Variants in ADAR observed in about 807,000 individuals in gnomAD.
ADAR encodes adenosine deaminase RNA specific, also known as double-stranded RNA-specific adenosine deaminase.
A neutral mutation model predicts 113.2 loss-of-function variants in ADAR; 41 were observed. The ratio of observed to expected loss-of-function variants is 0.36; its 90% CI spans 0.28 to 0.47. ADAR has a LOEUF of 0.47. ADAR is among the 20% of genes least tolerant of loss of function. The pLI, the probability that ADAR is intolerant of heterozygous loss-of-function variation, is 1.00. For synonymous variants in ADAR, 605 were observed against 572.6 expected (o/e 1.06, Z -0.81); for missense variants, 1,242 against 1,540.9 (o/e 0.81, Z 3.25).
chr1:154,605,204 T>C lies in ADAR; in HGVS notation c.16-2578A>G, dbSNP rs566498524. 2.6e-5 allele frequency among the ~76,000 whole-genome samples: 4 copies of C among 152,264 alleles called. No individual in the cohort carries two copies. In the East Asian group the frequency reaches 7.7e-4, roughly 29 times the overall value. On this transcript the variant is annotated intron_variant, in intron 1 of 14. Transcript: ENST00000368474. ...CCCTCATTACCTCTTACTGGGCCATTGCAAAGGCCTATAATCTTTCTATCC... is the reference window on the plus strand; with the variant it reads ...CCCTCATTACCTCTTACTGGGCCATCGCAAAGGCCTATAATCTTTCTATCC...
chr1:154,585,169 A>C, intron 14 of ADAR, 48 bp downstream of exon 14: 1 of 1,614,132 alleles, frequency 6.2e-7, no homozygotes, highest in Non-Finnish European at 8.5e-7. Context: ...GCACCCTTGC[A>C]AGTCAGGGCA....
At chr1:154,616,308 C>T (rs765298484) in intron 1 of ADAR, among the ~76,000 whole-genome samples, 8 of 152,166 alleles carry the variant, frequency 5.3e-5, no homozygotes, top group Non-Finnish European at 8.8e-5. Flanking sequence ...CATCTTTACA[C>T]GATGGCTCCA....
At chr1:154,585,103 G>A in intron 14 of ADAR, 60 bp from the exon 15 acceptor site, 2 of 1,611,114 alleles carry the variant, frequency 1.2e-6, no homozygotes, top group Non-Finnish European at 1.7e-6. Flanking sequence ...AGCTCACAGT[G>A]GAGACACCGT....
chr1:154,594,173 C>T (rs935801071), intron 6 of ADAR, among the ~76,000 whole-genome samples: 1 of 152,174 alleles, frequency 6.6e-6, no homozygotes, highest in Non-Finnish European at 1.5e-5. Context: ...TAAGCCACTG[C>T]GCCCGGCTGA....
chr1:154,601,744 TG>T lies in ADAR; in HGVS notation c.897del (p.Lys300ArgfsTer17). The part of the protein sequence containing the change: ...DPLEFLDMAE[I>X]KEKICDYLFN... ...AAGAGATAGTCGCAGATTTTCTCCT[TG>T]ATCTCGGCCATGTCTAAAAACTCAA... is the stretch of plus-strand genomic sequence containing the variant. On this transcript the variant is annotated frameshift_variant, in exon 2 of 15. Coordinates refer to ENST00000368474, the MANE Select transcript of ADAR (RefSeq NM_001111.5). LOFTEE classifies it high-confidence loss of function. The surrounding 1 kb of genome is among the most constrained non-coding windows in gnomAD (Gnocchi z 4.7). 1 of 1,614,238 alleles carries T rather than the reference TG, an allele frequency of 6.2e-7. No individual in the cohort carries two copies. Among genetic ancestry groups the T allele is most frequent in the Non-Finnish European group, 8.5e-7 (1 of 1,180,040 alleles).
chr1:154,588,011 G>T, intron 11 of ADAR, 114 bp downstream of exon 11: 1 of 1,503,642 alleles, frequency 6.7e-7, no homozygotes, highest in Non-Finnish European at 9.1e-7. Flanking sequence ...CCTGTAAACA[G>T]CACCTCTGTG....
At position 154,584,817 on chromosome 1, in the gene ADAR, A is replaced by G. The variant is rs1181532189; in HGVS notation, c.3670T>C (p.Cys1224Arg). The change falls in exon 15 of 15, where the codon TGC (cysteine) becomes CGC (arginine). Residue 1224 changes from cysteine to arginine, a missense_variant. Physicochemically the swap from Cys to Arg is radical, Grantham distance 180. Transcript: ENST00000368474. Reference protein sequence around the residue: ...KPQEEKNFYLCPV With the variant: ...KPQEEKNFYLRPV ...GTCACTGGAGCATACTATACTGGGC[A>G]GAGATAAAAGTTCTTTTCCTCCTGG... The G allele has an allele frequency of 1.9e-6, 3 of 1,613,272 alleles. 1 individual carries two copies. Among genetic ancestry groups the G allele is most frequent in the African/African-American group, 2.7e-5 (2 of 75,038 alleles).
At chr1:154,602,714 A>G in intron 1 of ADAR, 88 bp from the exon 2 acceptor site, 1 of 1,521,426 alleles carries the variant, frequency 6.6e-7, no homozygotes, top group Non-Finnish European at 8.9e-7. Context: ...CCTGTGGAAC[A>G]GCCCTTGAAG....
At chr1:154,621,869 G>A (rs780904404) in intron 1 of ADAR, among the ~76,000 whole-genome samples, 2 of 152,148 alleles carry the variant, frequency 1.3e-5, no homozygotes, top group East Asian at 3.8e-4. Flanking sequence ...GAGTAAGAGC[G>A]GGGTTAAATA....
In ADAR at chr1:154,596,848, C is replaced by G. The variant is rs1368837393; in HGVS notation, c.2227G>C (p.Glu743Gln). Residue 743 changes from glutamate (E) to glutamine (Q), a missense_variant, in exon 6 of 15, where the codon GAA becomes CAA. Physicochemically the swap from Glu to Gln is conservative, Grantham distance 29 (BLOSUM62 2). Around this residue, in one of 2 missense-constraint regions of ADAR, gnomAD observed 780 missense variants for 1,057.9 expected, o/e 0.74. Transcript: ENST00000368474. ...CCGGACTGGTCGACCAACTTGAATT[C>G]AGCAGCAAAGCCATGGGAGCGGGCG... ...EYARSHGFAA[E>Q]FKLVDQSGPP... 6.2e-7 allele frequency: 1 copy of G among 1,613,894 alleles called. No homozygotes were observed. The highest frequency in any genetic ancestry group is 1.3e-5 in the African/African-American group (1 of 74,914).
At chr1:154,618,918 T>G (rs1034018044) in intron 1 of ADAR, among the ~76,000 whole-genome samples, 5 of 152,186 alleles carry the variant, frequency 3.3e-5, no homozygotes, top group African/African-American at 9.7e-5. Context: ...GAGACCAGCC[T>G]GGCCAACATG....
intron 1 of ADAR, among the ~76,000 whole-genome samples, chr1:154,605,852 G>GA (rs993099098): frequency 8.6e-5 from 13 of 150,982 alleles, no homozygotes; most frequent in African/African-American, 2.2e-4. Flanking sequence ...GTGACCTTGG[G>GA]AAAAAAAAAT....
upstream of ADAR, among the ~76,000 whole-genome samples, chr1:154,611,732 C>T (rs1487968969): frequency 6.6e-6 from 1 of 152,160 alleles, no homozygotes; most frequent in Admixed American, 6.5e-5. Flanking sequence ...GGCTCACCTC[C>T]CCAGGGGCCT....
Position 154,590,221 on chromosome 1 carries a change from A to T in ADAR, c.2459T>A (p.Leu820His). 7.1e-7 allele frequency: 1 copy of T among 1,417,424 alleles called. No individual in the cohort carries two copies. Among genetic ancestry groups the T allele is most frequent in the South Asian group, 1.1e-5 (1 of 88,586 alleles). 87.8% of individuals were successfully genotyped at this position (1,417,424 alleles called of 1,614,324 possible). The change falls in exon 7 of 15, where the codon CTC becomes CAC. Residue 820 changes from leucine to histidine, a missense_variant. This residue lies in a region of ADAR where 780 missense variants were observed against 1,057.9 expected (regional missense o/e 0.74). Coordinates refer to ENST00000368474, the MANE Select transcript of ADAR (RefSeq NM_001111.5). Reference protein sequence around the residue: ...VTGASLRRTMLLLSRSPEAQP... With the variant: ...VTGASLRRTMHLLSRSPEAQP... ...TGCTTCTGGGGACCTTGAGAGGAGGAGCATAGTTCTTCTGAGACTGGCCCC... is the reference window on the plus strand; with the variant it reads ...TGCTTCTGGGGACCTTGAGAGGAGGTGCATAGTTCTTCTGAGACTGGCCCC...
At chr1:154,617,396 G>A (rs1698661883) in intron 1 of ADAR, among the ~76,000 whole-genome samples, 1 of 152,164 alleles carries the variant, frequency 6.6e-6, no homozygotes, top group African/African-American at 2.4e-5. Flanking sequence ...GTTCAAAGAA[G>A]GCAGGAATTG....
At chr1:154,599,679 G>A (rs1428221839) in intron 2 of ADAR, among the ~76,000 whole-genome samples, 1 of 152,226 alleles carries the variant, frequency 6.6e-6, no homozygotes, top group Non-Finnish European at 1.5e-5. Flanking sequence ...CCTGGCTGCA[G>A]CTGCAGCCAC....
chr1:154,617,121 G>A (rs1214942003), intron 1 of ADAR, among the ~76,000 whole-genome samples: 1 of 152,240 alleles, frequency 6.6e-6, no homozygotes, highest in African/African-American at 2.4e-5. Context: ...AAAAACCCCT[G>A]CAAGCGTCCT....
chr1:154,593,935 G>A (rs1697330431), intron 6 of ADAR, among the ~76,000 whole-genome samples: 2 of 151,878 alleles, frequency 1.3e-5, no homozygotes, highest in South Asian at 4.2e-4. Flanking sequence ...CCAGGCTGGA[G>A]TGCAGTGGCA....
intron 6 of ADAR, among the ~76,000 whole-genome samples, chr1:154,595,171 T>C (rs1188433364): frequency 1.3e-5 from 2 of 152,206 alleles, no homozygotes; most frequent in African/African-American, 2.4e-5. Flanking sequence ...GAGATTCTTG[T>C]AGGAGTGTGA....
Sources: allele counts gnomAD v4.1 joint callset (sites outside exome capture counted in the v4.1 genomes callset), GRCh38; gene constraint gnomAD v4.1.1; regional missense constraint gnomAD v4.1.1; non-coding constraint Gnocchi (gnomAD v3.1); transcripts MANE v1.5; gene names NCBI Gene and HGNC (gene_info 2026-07-23, HGNC 2026-07-21).